TENM3: variants seen among roughly 807,000 people sequenced by gnomAD.
TENM3 encodes teneurin transmembrane protein 3.
TENM3 carries 63 observed loss-of-function variants against 255.1 expected under a neutral mutation model. The ratio of observed to expected loss-of-function variants is 0.25; its 90% confidence interval spans 0.20 to 0.30. The LOEUF is 0.30. Ranked by LOEUF, TENM3 falls within the 10% of genes least tolerant of loss-of-function variation. The pLI is 1.00. For missense variants in TENM3, 2,929 were observed against 3,461.1 expected, an observed-to-expected ratio of 0.85 and a Z score of 3.86; for synonymous variants, 1,306 against 1,322.3, an observed-to-expected ratio of 0.99 and a Z score of 0.27.
intron 1 of TENM3, among the ~76,000 whole-genome samples, chr4:182,263,449 A>G (rs1051530731): frequency 5.9e-5 from 9 of 152,270 alleles, no homozygotes; most frequent in Middle Eastern, 3.4e-3. Flanking sequence ...GCCCCTCTCT[A>G]TAAAGTCCGC....
chr4:182,167,980 C>T (rs557776528), intron 1 of TENM3, among the ~76,000 whole-genome samples: 79 of 152,182 alleles, frequency 5.2e-4, no homozygotes, highest in South Asian at 2.1e-4. Context: ...ATTATTATAA[C>T]GATATTTAGT....
chr4:182,107,190 C>A, the TENM3 span, among the ~76,000 whole-genome samples: 1 of 139,530 alleles, frequency 7.2e-6, no homozygotes, highest in Non-Finnish European at 1.6e-5. Flanking sequence ...ACACACACTA[C>A]ACAGAGTGGA....
At chr4:182,558,193 G>C (rs914653271) in intron 3 of TENM3, among the ~76,000 whole-genome samples, 1 of 152,212 alleles carries the variant, frequency 6.6e-6, no homozygotes, top group African/African-American at 2.4e-5. Context: ...GTGCGTGCCT[G>C]TAGCGAAAAC....
At chr4:182,240,648 T>C (rs572178846), upstream of TENM3, among the ~76,000 whole-genome samples, 14 of 152,270 alleles carry the variant, frequency 9.2e-5, no homozygotes, top group African/African-American at 3.4e-4. Context: ...CAATTCTCCC[T>C]GCGAGTCCCG....
the TENM3 span, among the ~76,000 whole-genome samples, chr4:181,995,875 A>G: frequency 1.3e-5 from 2 of 152,132 alleles, no homozygotes; most frequent in Non-Finnish European, 2.9e-5. Context: ...GATTTATAAG[A>G]GAAAGCTGCC....
intron 1 of TENM3, among the ~76,000 whole-genome samples, chr4:182,185,081 CAA>C (rs35344065): frequency 1.3e-5 from 2 of 149,762 alleles, no homozygotes; most frequent in Non-Finnish European, 1.5e-5. Flanking sequence ...AAAACTCTGT[CAA>C]AAAAAAAAAT....
Position 182,324,059 on chromosome 4 carries a change from C to A in TENM3, c.39C>A (p.Thr13=), listed in dbSNP as rs768323338. 1 of 1,613,952 alleles carries A rather than the reference C, an allele frequency of 6.2e-7. No individual in the cohort carries two copies. Among genetic ancestry groups the A allele is most frequent in the Non-Finnish European group, 8.5e-7 (1 of 1,179,902 alleles). ...VKERRPYCSL[T]KSRREKERRY... is the part of the protein sequence containing the mutation. ...AACGCAGGCCTTACTGCTCCCTGAC[C>A]AAGAGCAGACGAGAGAAGGAACGGC... Residue 13 remains threonine (T), a synonymous_variant, in exon 2 of 28, where the codon ACC becomes ACA. Transcript: ENST00000511685.
chr4:181,851,448 C>A, the TENM3 span, among the ~76,000 whole-genome samples: 75 of 152,222 alleles, frequency 4.9e-4, 1 homozygote, highest in African/African-American at 1.5e-3. Context: ...AGAGTAAAAC[C>A]ATTAGACAGG....
the TENM3 span, among the ~76,000 whole-genome samples, chr4:181,701,311 C>T: frequency 6.6e-6 from 1 of 152,200 alleles, no homozygotes; most frequent in African/African-American, 2.4e-5. Context: ...TCGCAACACT[C>T]AGTGCAGTGG....
the TENM3 span, among the ~76,000 whole-genome samples, chr4:182,058,508 C>T: frequency 1.2e-3 from 182 of 152,160 alleles, 2 homozygotes; most frequent in African/African-American, 4.2e-3. Flanking sequence ...CAGTAAAACT[C>T]GCCCCAGAGA....
the TENM3 span, among the ~76,000 whole-genome samples, chr4:181,739,303 T>C: frequency 1.1e-4 from 16 of 152,264 alleles, no homozygotes; most frequent in African/African-American, 3.6e-4. Flanking sequence ...AACCAATGTT[T>C]AAGAATGAAG....
chr4:181,839,386 C>CACACAT, the TENM3 span, among the ~76,000 whole-genome samples: 3 of 44,110 alleles, frequency 6.8e-5, no homozygotes, highest in African/African-American at 2.8e-4. Context: ...TATATATATA[C>CACACAT]ACCTATATAC....
At chr4:182,160,822 T>C (rs1751097454) in intron 1 of TENM3, among the ~76,000 whole-genome samples, 1 of 151,892 alleles carries the variant, frequency 6.6e-6, no homozygotes, top group South Asian at 2.1e-4. Context: ...AAGAGAGGAG[T>C]TTAAATGTTC....
chr4:182,372,170 A>G (rs1271889315), intron 3 of TENM3, among the ~76,000 whole-genome samples: 1 of 152,190 alleles, frequency 6.6e-6, no homozygotes, highest in East Asian at 1.9e-4. Flanking sequence ...TTAGTAGCCT[A>G]CTTTTTTTCC....
At chr4:182,119,827 A>C in the TENM3 span, among the ~76,000 whole-genome samples, 1 of 152,152 alleles carries the variant, frequency 6.6e-6, no homozygotes, top group East Asian at 1.9e-4. Flanking sequence ...TCAGATCCCC[A>C]GGTAACTGGG....
intron 12 of TENM3, among the ~76,000 whole-genome samples, chr4:182,698,841 G>A (rs1003027146): frequency 6.6e-6 from 1 of 152,162 alleles, no homozygotes; most frequent in African/African-American, 2.4e-5. Context: ...TTCTAGGACA[G>A]GTGTGTTGTT....
At chr4:182,515,566 G>T (rs1471073495) in intron 3 of TENM3, among the ~76,000 whole-genome samples, 1 of 152,138 alleles carries the variant, frequency 6.6e-6, no homozygotes, top group African/African-American at 2.4e-5. Context: ...ATGTACATAT[G>T]TACACAATAT....
At chr4:182,362,625 T>C (rs1382752933) in intron 3 of TENM3, among the ~76,000 whole-genome samples, 2 of 152,142 alleles carry the variant, frequency 1.3e-5, no homozygotes, top group African/African-American at 4.8e-5. Flanking sequence ...GTGCCGTCTG[T>C]CACCCCTTTC....
At position 182,296,190 on chromosome 4, in the gene TENM3, C is replaced by T. The variant is rs181775790; in HGVS notation, c.-75-27756C>T. 3.8e-4 allele frequency among the ~76,000 whole-genome samples: 58 copies of T among 152,056 alleles called. 1 individual carries two copies. In the East Asian group the frequency reaches 7.8e-3, roughly 20 times the overall value. ...GTTGGTCAGGCTGGTCTCGAACTCC[C>T]GACCTCAGATGATTCGCCCACCTTG... On this transcript the variant is annotated intron_variant, in intron 1 of 27. Transcript: ENST00000511685.
Sources: gnomAD v4.1 joint callset for allele counts (sites outside exome capture counted in the v4.1 genomes callset) on GRCh38, gnomAD v4.1.1 for gene constraint, MANE v1.5 for transcripts, NCBI Gene and HGNC (gene_info 2026-07-23, HGNC 2026-07-21) for gene names.